The following SNTG1 variants were observed in gnomAD, a reference collection of about 807,000 sequenced individuals.
The protein encoded by SNTG1 is syntrophin gamma 1.
Under a neutral mutation model 74.7 loss-of-function variants are expected in SNTG1, and 39 were observed. The ratio of observed to expected loss-of-function variants is 0.52; its 90% confidence interval spans 0.40 to 0.68. The LOEUF is 0.68. Ranked by LOEUF, SNTG1 falls within the 30% of genes least tolerant of loss-of-function variation. The pLI is 0.00. For missense variants in SNTG1, 685 were observed against 609.5 expected, an observed-to-expected ratio of 1.12 and a Z score of -1.30; for synonymous variants, 254 against 217.1, an observed-to-expected ratio of 1.17 and a Z score of -1.49.
chr8:50,660,540 AAAG>A (rs1239571502), intron 15 of SNTG1, among the ~76,000 whole-genome samples: 51 of 122,780 alleles, frequency 4.2e-4, no homozygotes, highest in African/African-American at 2.2e-3. Context: ...GGAAGGAAGG[AAAG>A]AAAACTGCCT....
intron 1 of SNTG1, among the ~76,000 whole-genome samples, chr8:49,998,094 T>C (rs1814401368): frequency 6.6e-6 from 1 of 152,188 alleles, no homozygotes; most frequent in Admixed American, 6.5e-5. Flanking sequence ...TCCTTGGCAA[T>C]TGTAACAGCA....
intron 8 of SNTG1, among the ~76,000 whole-genome samples, chr8:50,485,944 T>G (rs1300863608): frequency 6.6e-6 from 1 of 151,248 alleles, no homozygotes; most frequent in Non-Finnish European, 1.5e-5. Context: ...TCCCCATTGC[T>G]TGTTTTTCTC....
At chr8:50,349,436 G>GGT (rs2091579851) in intron 2 of SNTG1, among the ~76,000 whole-genome samples, 1 of 151,744 alleles carries the variant, frequency 6.6e-6, no homozygotes, top group Non-Finnish European at 1.5e-5. Flanking sequence ...TTGTTACAGA[G>GGT]GTATACATGA....
At chr8:50,145,570 C>G (rs994879605) in intron 1 of SNTG1, among the ~76,000 whole-genome samples, 1 of 152,278 alleles carries the variant, frequency 6.6e-6, no homozygotes, top group East Asian at 1.9e-4. Context: ...TGAAGCCTGA[C>G]TGCATTTACT....
chr8:50,778,899 T>C (rs1350867504), intron 18 of SNTG1, among the ~76,000 whole-genome samples: 1 of 152,180 alleles, frequency 6.6e-6, no homozygotes, highest in African/African-American at 2.4e-5. Flanking sequence ...AAGGAAGGGA[T>C]CCAGTTTCAG....
At chr8:50,298,438 G>A (rs7821353) in intron 2 of SNTG1, among the ~76,000 whole-genome samples, 10,524 of 152,088 alleles carry the variant, frequency 0.069, 408 homozygotes, top group African/African-American at 0.085. Context: ...CCCTTTGTAA[G>A]CAGAGAAAAC....
intron 1 of SNTG1, among the ~76,000 whole-genome samples, chr8:50,148,898 C>T (rs556753270): frequency 6.6e-6 from 1 of 152,282 alleles, no homozygotes; most frequent in East Asian, 1.9e-4. Flanking sequence ...ATTTATAATC[C>T]TTTGGGTATA....
chr8:50,195,009 A>T (rs147648442), intron 2 of SNTG1, among the ~76,000 whole-genome samples: 209 of 152,148 alleles, frequency 1.4e-3, no homozygotes, highest in African/African-American at 4.7e-3. Context: ...AACTCACAAG[A>T]TTATATGCCC....
At chr8:50,143,063 G>A (rs1373901999) in intron 1 of SNTG1, among the ~76,000 whole-genome samples, 1 of 151,830 alleles carries the variant, frequency 6.6e-6, no homozygotes, top group Non-Finnish European at 1.5e-5. Flanking sequence ...GCCAGAGCAA[G>A]ACTCCATCTC....
chr8:50,716,079 A>G (rs1041165928), intron 17 of SNTG1, among the ~76,000 whole-genome samples: 2 of 152,146 alleles, frequency 1.3e-5, no homozygotes, highest in Admixed American at 1.3e-4. Flanking sequence ...TATGACCCTC[A>G]TGTACACACA....
chr8:49,994,735 T>G (rs1168933115), intron 1 of SNTG1, among the ~76,000 whole-genome samples: 1 of 152,008 alleles, frequency 6.6e-6, no homozygotes, highest in Non-Finnish European at 1.5e-5. Flanking sequence ...AGAAACATCC[T>G]CATATAATGA....
intron 1 of SNTG1, chr8:50,164,422 T>G (rs2082539544): frequency 6.6e-6 from 1 of 152,224 alleles, no homozygotes; most frequent in Admixed American, 6.5e-5. Context: ...TGTTTACTGG[T>G]ACTTATTCAT....
intron 1 of SNTG1, among the ~76,000 whole-genome samples, chr8:49,986,901 G>T (rs1196753120): frequency 6.6e-6 from 1 of 151,992 alleles, no homozygotes; most frequent in Non-Finnish European, 1.5e-5. Flanking sequence ...AAATAAATAT[G>T]TAAATATAAA....
At position 50,365,861 on chromosome 8, in the gene SNTG1, T is replaced by C. The variant is rs1211520601; in HGVS notation, c.-27-28351T>C. On this transcript the variant is annotated intron_variant, in intron 2 of 18. Transcript: ENST00000642720. The stretch of plus-strand genomic sequence containing the variant: ...TAAAAGCTTATTAGTCTGTAATTGC[T>C]AACATAAATTATTTTGAAAGCTTTA... Among the ~76,000 whole-genome samples the C allele has an allele frequency of 2.0e-5, 3 of 152,150 alleles. No individual in the cohort carries two copies. The East Asian group carries it at 5.8e-4, about 29-fold the overall frequency.
In SNTG1 at chr8:50,265,894, A is replaced by G. The variant is rs145293064; in HGVS notation, c.-28+93259A>G. Among the ~76,000 whole-genome samples the G allele has an allele frequency of 2.8e-3, 422 of 152,200 alleles. 4 individuals are homozygous for G. Among genetic ancestry groups the G allele is most frequent in the African/African-American group, 9.4e-3 (391 of 41,572 alleles). ...ATAAATTTCATGAAAGTGGTATAAA[A>G]CATATACAGTGAAAACTAGAAAAAA... On this transcript the variant is annotated intron_variant, in intron 2 of 18. Transcript: ENST00000642720.
intron 8 of SNTG1, among the ~76,000 whole-genome samples, chr8:50,472,253 G>A (rs1254222524): frequency 2.0e-5 from 3 of 152,064 alleles, no homozygotes; most frequent in Non-Finnish European, 4.4e-5. Context: ...TTGAAAACCA[G>A]GAACAAAATC....
At chr8:50,199,938 T>A (rs2083922809) in intron 2 of SNTG1, among the ~76,000 whole-genome samples, 1 of 152,136 alleles carries the variant, frequency 6.6e-6, no homozygotes, top group Non-Finnish European at 1.5e-5. Flanking sequence ...TAGCAAGCAT[T>A]TGGGCGCTAA....
chr8:50,012,261 G>A (rs982766095), intron 1 of SNTG1, among the ~76,000 whole-genome samples: 1 of 152,208 alleles, frequency 6.6e-6, no homozygotes. Context: ...ATGAAGTCAA[G>A]TGCAACTGAG....
At chr8:50,423,080 A>G (rs1424379717) in intron 4 of SNTG1, among the ~76,000 whole-genome samples, 1 of 152,178 alleles carries the variant, frequency 6.6e-6, no homozygotes, top group Non-Finnish European at 1.5e-5. Context: ...TGGCTTTATT[A>G]TGATGATATA....
Sources: gnomAD v4.1 joint callset for allele counts (sites outside exome capture counted in the v4.1 genomes callset) on GRCh38, gnomAD v4.1.1 for gene constraint, MANE v1.5 for transcripts, NCBI Gene and HGNC (gene_info 2026-07-23, HGNC 2026-07-21) for gene names.